The following ZDHHC2 variants were observed in gnomAD, a reference collection of about 807,000 sequenced individuals.
ZDHHC2 encodes the protein zDHHC palmitoyltransferase 2.
A neutral mutation model predicts 55.6 loss-of-function variants in ZDHHC2; 51 were observed. That is an observed-to-expected ratio of 0.92 (90% CI 0.73 to 1.16). The LOEUF (loss-of-function observed/expected upper bound fraction) is 1.16. ZDHHC2 is among the 50% of genes most tolerant of loss of function. The pLI, the probability that ZDHHC2 is intolerant of heterozygous loss-of-function variation, is 0.00. For missense variants in ZDHHC2, 491 were observed against 442.4 expected, an observed-to-expected ratio of 1.11 and a Z score of -0.99; for synonymous variants, 199 against 152.9, an observed-to-expected ratio of 1.30 and a Z score of -2.22.
chr8:17,212,484 T>G (rs181414652), intron 10 of ZDHHC2, among the ~76,000 whole-genome samples: 1 of 152,222 alleles, frequency 6.6e-6, no homozygotes, highest in African/African-American at 2.4e-5. Flanking sequence ...TTTCAATTAC[T>G]TTGTATTTAC....
intron 3 of ZDHHC2, among the ~76,000 whole-genome samples, chr8:17,191,802 A>T (rs1046177859): frequency 2.6e-5 from 4 of 152,160 alleles, no homozygotes; most frequent in Non-Finnish European, 4.4e-5. Flanking sequence ...TATCTCTTTA[A>T]CATACTTGTT....
At chr8:17,177,864 G>A (rs563253778) in intron 1 of ZDHHC2, among the ~76,000 whole-genome samples, 2 of 152,150 alleles carry the variant, frequency 1.3e-5, no homozygotes, top group South Asian at 4.2e-4. Context: ...ATATTGAAAA[G>A]TTAGTGTGTA....
intron 6 of ZDHHC2, among the ~76,000 whole-genome samples, chr8:17,199,079 G>A (rs1394094726): frequency 6.6e-6 from 1 of 152,170 alleles, no homozygotes; most frequent in Non-Finnish European, 1.5e-5. Flanking sequence ...TTGGGCGTGA[G>A]TAATGCTTAT....
chr8:17,164,597 A>T (rs967321484), intron 1 of ZDHHC2, among the ~76,000 whole-genome samples: 1 of 139,942 alleles, frequency 7.1e-6, no homozygotes, highest in African/African-American at 2.7e-5. Flanking sequence ...ACTAAACAAT[A>T]AAAAAAAAAA....
chr8:17,156,924 C>A (rs1804084682), intron 1 of ZDHHC2, 71 bp downstream of exon 1: 6 of 1,355,516 alleles, frequency 4.4e-6, no homozygotes, highest in Non-Finnish European at 5.8e-6. Context: ...GACGCTCAGC[C>A]GCTCCTCCGC....
intron 1 of ZDHHC2, among the ~76,000 whole-genome samples, chr8:17,157,806 T>A (rs1010224592): frequency 2.0e-5 from 3 of 152,182 alleles, no homozygotes; most frequent in Non-Finnish European, 4.4e-5. Context: ...AGTGTCTGTT[T>A]TTGCCCTACC....
chr8:17,156,790 G>A lies in ZDHHC2; in HGVS notation c.67G>A (p.Val23Met). Residue 23 changes from valine to methionine, a missense_variant, in exon 1 of 13, where the codon GTG (valine) becomes ATG (methionine). Coordinates refer to ENST00000262096, the MANE Select transcript of ZDHHC2 (RefSeq NM_016353.5). ...RCRRVLYWIP[V>M]VFITLLLGWS... The stretch of plus-strand genomic sequence containing the variant: ...CCGGCGGGTGCTGTACTGGATCCCG[G>A]TGGTGTTCATCACCCTCCTGCTCGG... The A allele has an allele frequency of 6.6e-7, 1 of 1,521,926 alleles. No homozygotes were observed. The highest frequency in any genetic ancestry group is 8.8e-7 in the Non-Finnish European group (1 of 1,133,532). 94.3% of individuals were successfully genotyped at this position (1,521,926 alleles called of 1,614,324 possible). A position where few individuals can be genotyped will look rare whatever the true frequency, so the allele number is the denominator to read the frequency against.
intron 4 of ZDHHC2, 113 bp from the exon 5 acceptor site, chr8:17,197,469 T>C: frequency 1.1e-6 from 1 of 916,308 alleles, no homozygotes; most frequent in Non-Finnish European, 1.6e-6. Flanking sequence ...TTTTACCATA[T>C]TTAAATTTCA....
At position 17,208,075 on chromosome 8, in the gene ZDHHC2, A is replaced by G; in HGVS notation, c.713A>G (p.Lys238Arg). 6.3e-7 allele frequency: 1 copy of G among 1,576,002 alleles called. No individual in the cohort carries two copies. The highest frequency in any genetic ancestry group is 8.6e-7 in the Non-Finnish European group (1 of 1,159,234). The change falls in exon 8 of 13, where the codon AAA (lysine) becomes AGA (arginine). Residue 238 changes from lysine to arginine, a missense_variant. Transcript: ENST00000262096. ...GGCTATCATTGTTGGCTAGTCAGCA[A>G]AAATAAATCTACATTAGGTGAGTAT... ...LFGYHCWLVS[K>R]NKSTLEAFRS...
intron 3 of ZDHHC2, among the ~76,000 whole-genome samples, chr8:17,193,658 G>T (rs1267333545): frequency 6.6e-6 from 1 of 152,276 alleles, no homozygotes; most frequent in Non-Finnish European, 1.5e-5. Context: ...GCCGGGTTCA[G>T]AGATGCCATC....
At position 17,198,846 on chromosome 8, in the gene ZDHHC2, C is replaced by G. The variant is rs550768443; in HGVS notation, c.476+433C>G. Among the ~76,000 whole-genome samples, 3 of 152,274 alleles carry G rather than the reference C, an allele frequency of 2.0e-5. No individual in the cohort carries two copies. The East Asian group carries it at 5.8e-4, about 29-fold the overall frequency. On this transcript the variant is annotated intron_variant, in intron 6 of 12. Coordinates refer to ENST00000262096, the MANE Select transcript of ZDHHC2 (RefSeq NM_016353.5). ...TTTGACATTAAGGAGTAGAATACAA[C>G]TACACAGATATACAAATGCACACAT...
At chr8:17,179,607 C>G (rs1805331286) in intron 1 of ZDHHC2, among the ~76,000 whole-genome samples, 1 of 152,190 alleles carries the variant, frequency 6.6e-6, no homozygotes, top group Middle Eastern at 3.5e-3. Context: ...GACACAGTCT[C>G]AATGTGTTGT....
rs185980657 is a variant in ZDHHC2, at chr8:17,199,075, G to T, written c.476+662G>T. 1.1e-4 allele frequency among the ~76,000 whole-genome samples: 16 copies of T among 152,282 alleles called. No individual in the cohort carries two copies. In the East Asian group the frequency reaches 2.9e-3, roughly 28 times the overall value. On this transcript the variant is annotated intron_variant, in intron 6 of 12. Transcript: ENST00000262096. ...GTTGCTGGCCAGGTTGGATTTGGGCGTGAGTAATGCTTATTCTTCAAGCTT... is the reference window on the plus strand; with the variant it reads ...GTTGCTGGCCAGGTTGGATTTGGGCTTGAGTAATGCTTATTCTTCAAGCTT...
At position 17,199,509 on chromosome 8, in the gene ZDHHC2, T is replaced by TTCTTCTTCTTCTTCTTCTTCGTCTTCG. The variant is rs1297662337; in HGVS notation, c.476+1101_476+1102insTTCTTCTTCTTCTTCGTCTTCGTCTTC. 3.9e-3 allele frequency among the ~76,000 whole-genome samples: 476 copies of TTCTTCTTCTTCTTCTTCTTCGTCTTCG among 120,986 alleles called. 10 individuals are homozygous for TTCTTCTTCTTCTTCTTCTTCGTCTTCG. The highest frequency in any genetic ancestry group is 0.01 in the African/African-American group (274 of 27,226). 79.4% of individuals were successfully genotyped at this position (120,986 alleles called of 152,430 possible). A position where few individuals can be genotyped will look rare whatever the true frequency, so the allele number is the denominator to read the frequency against. ...CTTCTTCTTCTTCTTCTTCTTCTTC[T>TTCTTCTTCTTCTTCTTCTTCGTCTTCG]TCTTCGTCTTCGTCTTCGTCTTCTG... On this transcript the variant is annotated intron_variant, in intron 6 of 12. Coordinates refer to ENST00000262096, the MANE Select transcript of ZDHHC2 (RefSeq NM_016353.5).
At chr8:17,181,393 T>C (rs1382680158) in intron 1 of ZDHHC2, among the ~76,000 whole-genome samples, 1 of 152,186 alleles carries the variant, frequency 6.6e-6, no homozygotes, top group Non-Finnish European at 1.5e-5. Context: ...TAAAAGAATT[T>C]CTAAGGTAGA....
chr8:17,196,488 A>C (rs1346246457), intron 4 of ZDHHC2, among the ~76,000 whole-genome samples: 1 of 152,016 alleles, frequency 6.6e-6, no homozygotes, highest in African/African-American at 2.4e-5. Context: ...CAGGAGTTAG[A>C]AGTTGCAGTG....
intron 1 of ZDHHC2, among the ~76,000 whole-genome samples, chr8:17,178,850 CAATT>C (rs1435291912): frequency 5.3e-5 from 8 of 152,310 alleles, no homozygotes; most frequent in South Asian, 2.1e-4. Context: ...TCTTAAAAAA[CAATT>C]AATGTTATAA....
Position 17,221,431 on chromosome 8 carries a change from A to T in ZDHHC2, c.*1210A>T, listed in dbSNP as rs1445694635. 6.6e-6 allele frequency: 1 copy of T among 152,510 alleles called. No individual in the cohort carries two copies. The highest frequency in any genetic ancestry group is 2.4e-5 in the African/African-American group (1 of 41,438). 9.4% of individuals were successfully genotyped at this position (152,510 alleles called of 1,614,324 possible). On this transcript the variant is annotated 3_prime_UTR_variant, in exon 13 of 13. Coordinates refer to ENST00000262096, the MANE Select transcript of ZDHHC2 (RefSeq NM_016353.5). ...TTTGAGTCCAGTATAATTCATGTAA[A>T]TGTTAACAATTAGAATAATACTCTG...
At chr8:17,175,405 C>T (rs912879451) in intron 1 of ZDHHC2, among the ~76,000 whole-genome samples, 3 of 152,148 alleles carry the variant, frequency 2.0e-5, no homozygotes, top group African/African-American at 7.2e-5. Context: ...CAGTTTATTC[C>T]TAACAACTTG....
Sources: allele counts gnomAD v4.1 joint callset (sites outside exome capture counted in the v4.1 genomes callset), GRCh38; gene constraint gnomAD v4.1.1; transcripts MANE v1.5; gene names NCBI Gene and HGNC (gene_info 2026-07-23, HGNC 2026-07-21).